HS6ST2: variants seen among roughly 807,000 people sequenced by gnomAD.
The protein encoded by HS6ST2 is heparan sulfate 6-O-sulfotransferase 2.
Under a neutral mutation model 33.0 loss-of-function variants are expected in HS6ST2, and 17 were observed. The ratio of observed to expected loss-of-function variants is 0.52; its 90% CI spans 0.35 to 0.77. The LOEUF (loss-of-function observed/expected upper bound fraction) is 0.77. HS6ST2 is among the 30% of genes least tolerant of loss of function. The pLI, the probability that HS6ST2 is intolerant of heterozygous loss-of-function variation, is 0.01. For synonymous variants in HS6ST2, 248 were observed against 237.1 expected (o/e 1.05, Z -0.42); for missense variants, 519 against 551.7 (o/e 0.94, Z 0.59).
intron 2 of HS6ST2, among the ~76,000 whole-genome samples, chrX:132,779,549 G>A (rs1001137705): frequency 2.7e-5 from 3 of 110,442 alleles, no homozygotes; most frequent in Non-Finnish European, 3.8e-5. Flanking sequence ...AAACTTAAGA[G>A]AAAAGAATGC....
chrX:132,882,725 C>T (rs369264737), intron 2 of HS6ST2, among the ~76,000 whole-genome samples: 1 of 110,512 alleles, frequency 9.0e-6, no homozygotes, highest in Non-Finnish European at 1.9e-5. Flanking sequence ...GGAATGCTTC[C>T]AGTTTTTGCC....
chrX:132,941,279 A>ATGAGC (rs1485967140), intron 2 of HS6ST2, among the ~76,000 whole-genome samples: 1 of 111,675 alleles, frequency 9.0e-6, no homozygotes, highest in African/African-American at 3.3e-5. Flanking sequence ...TCTAACTGAG[A>ATGAGC]TGAGCTGAGC....
chrX:132,810,214 T>C (rs1277668889), intron 2 of HS6ST2, among the ~76,000 whole-genome samples: 1 of 110,968 alleles, frequency 9.0e-6, no homozygotes, highest in Non-Finnish European at 1.9e-5. Context: ...GAGATCAGCC[T>C]TGGCAACATA....
chrX:132,653,775 G>A (rs2063710823), intron 4 of HS6ST2, among the ~76,000 whole-genome samples: 1 of 112,084 alleles, frequency 8.9e-6, no homozygotes, highest in African/African-American at 3.2e-5. Flanking sequence ...AAGGACTACT[G>A]TGGGTTGAAA....
At chrX:132,758,731 C>T (rs1263146084) in intron 2 of HS6ST2, among the ~76,000 whole-genome samples, 2 of 111,992 alleles carry the variant, frequency 1.8e-5, no homozygotes, top group East Asian at 2.8e-4. Flanking sequence ...ACTGGCTGAC[C>T]TACAAAAGCC....
At chrX:132,902,097 C>T (rs1178012310) in intron 2 of HS6ST2, among the ~76,000 whole-genome samples, 1 of 108,152 alleles carries the variant, frequency 9.2e-6, no homozygotes. Flanking sequence ...TGACACATAT[C>T]ACTCATTTTT....
intron 2 of HS6ST2, among the ~76,000 whole-genome samples, chrX:132,897,440 T>G (rs753072457): frequency 2.7e-5 from 3 of 111,365 alleles, no homozygotes; most frequent in Non-Finnish European, 5.6e-5. Context: ...CTAATCTGTA[T>G]AGCCTTTAAG....
chrX:132,890,773 G>T (rs951051440), intron 2 of HS6ST2, among the ~76,000 whole-genome samples: 2 of 111,171 alleles, frequency 1.8e-5, no homozygotes, highest in Admixed American at 1.9e-4. Context: ...AATCACAAGG[G>T]TGGAAAAGGG....
chrX:132,842,556 G>A (rs1039981729), intron 2 of HS6ST2, among the ~76,000 whole-genome samples: 1 of 111,602 alleles, frequency 9.0e-6, no homozygotes, highest in African/African-American at 3.3e-5. Flanking sequence ...GAGAAAGACA[G>A]AGAGAAACAG....
At chrX:132,654,229 T>C (rs2063714942) in intron 4 of HS6ST2, among the ~76,000 whole-genome samples, 1 of 111,525 alleles carries the variant, frequency 9.0e-6, no homozygotes, top group Non-Finnish European at 1.9e-5. Flanking sequence ...GATGATTTCA[T>C]AGATGTATAT....
intron 3 of HS6ST2, among the ~76,000 whole-genome samples, chrX:132,683,537 G>A (rs2063991180): frequency 8.9e-6 from 1 of 111,996 alleles, no homozygotes; most frequent in Admixed American, 9.4e-5. Flanking sequence ...TCCTAGTGCT[G>A]GAAGGTTCTG....
chrX:132,817,077 A>C (rs981173716), intron 2 of HS6ST2, among the ~76,000 whole-genome samples: 1 of 111,253 alleles, frequency 9.0e-6, no homozygotes, highest in Admixed American at 9.6e-5. Flanking sequence ...CACTCTTCAC[A>C]ATCACAGCCA....
intron 2 of HS6ST2, among the ~76,000 whole-genome samples, chrX:132,841,201 A>T (rs746238742): frequency 1.3e-4 from 15 of 111,970 alleles, no homozygotes; most frequent in Non-Finnish European, 2.4e-4. Context: ...CCAAAGATTT[A>T]TTGTTCATTT....
chrX:132,899,794 C>T (rs1261480381), intron 2 of HS6ST2, among the ~76,000 whole-genome samples: 3 of 111,489 alleles, frequency 2.7e-5, no homozygotes, highest in African/African-American at 9.8e-5. Context: ...CACACCATAG[C>T]AAATCATTAT....
Position 132,752,954 on chromosome X carries a change from C to G in HS6ST2, c.948-44460G>C, listed in dbSNP as rs781058748. ...GACAAAGGTCCAGGCTTCCAGAGCT[C>G]TATCTGAGAGGCAGGCCCAGGCAGC... On this transcript the variant is annotated intron_variant, in intron 2 of 4. Transcript: ENST00000370833. Among the ~76,000 whole-genome samples, 8 of 112,465 alleles carry G rather than the reference C, an allele frequency of 7.1e-5. No individual in the cohort carries two copies. In the East Asian group the frequency reaches 2.2e-3, roughly 31 times the overall value.
At chrX:132,920,154 T>C (rs983137019) in intron 2 of HS6ST2, among the ~76,000 whole-genome samples, 3 of 110,991 alleles carry the variant, frequency 2.7e-5, no homozygotes. Flanking sequence ...CTGAGATAGA[T>C]TCGGCCCGTC....
At chrX:132,916,578 A>G (rs1159041466) in intron 2 of HS6ST2, among the ~76,000 whole-genome samples, 4 of 111,983 alleles carry the variant, frequency 3.6e-5, no homozygotes, top group African/African-American at 1.3e-4. Flanking sequence ...GCACTATCCA[A>G]CTGGCTGCCA....
chrX:132,761,555 G>C (rs921741725), intron 2 of HS6ST2, among the ~76,000 whole-genome samples: 1 of 112,311 alleles, frequency 8.9e-6, no homozygotes, highest in Non-Finnish European at 1.9e-5. Flanking sequence ...TCTCGCCAGC[G>C]TCTCTACTTC....
At chrX:132,848,700 T>C (rs1317875652) in intron 2 of HS6ST2, among the ~76,000 whole-genome samples, 1 of 112,013 alleles carries the variant, frequency 8.9e-6, no homozygotes, top group Non-Finnish European at 1.9e-5. Flanking sequence ...AAGAGAATCC[T>C]TACTGAAACT....
Sources: allele counts gnomAD v4.1 joint callset (sites outside exome capture counted in the v4.1 genomes callset), GRCh38; gene constraint gnomAD v4.1.1; transcripts MANE v1.5; gene names NCBI Gene and HGNC (gene_info 2026-07-23, HGNC 2026-07-21).